Variants in LHFPL3 observed in about 807,000 individuals in gnomAD.
LHFPL3 encodes LHFPL tetraspan subfamily member 3, also known as LHFPL tetraspan subfamily member 3 protein.
A neutral mutation model predicts 19.3 loss-of-function variants in LHFPL3; 5 were observed. The ratio of observed to expected loss-of-function variants is 0.26; its 90% CI spans 0.14 to 0.54. LHFPL3 has a LOEUF of 0.54. Among genes scored for constraint, LHFPL3 ranks in the 20% least tolerant of loss-of-function variants. The pLI, the probability that LHFPL3 is intolerant of heterozygous loss-of-function variation, is 0.94. For missense variants in LHFPL3, 249 were observed against 307.4 expected (o/e 0.81, Z 1.42); for synonymous variants, 133 against 126.2 (o/e 1.05, Z -0.36).
At chr7:104,470,738 T>C (rs1792890892) in intron 1 of LHFPL3, among the ~76,000 whole-genome samples, 2 of 152,170 alleles carry the variant, frequency 1.3e-5, no homozygotes, top group Admixed American at 6.5e-5. Context: ...CTGGAGTCCG[T>C]GTTCTTAACT....
chr7:104,484,929 T>C (rs962603609), intron 1 of LHFPL3, among the ~76,000 whole-genome samples: 2 of 152,052 alleles, frequency 1.3e-5, no homozygotes, highest in East Asian at 1.9e-4. Flanking sequence ...ATCTCAACTC[T>C]CAATACTATT....
intron 2 of LHFPL3, among the ~76,000 whole-genome samples, chr7:104,830,284 C>T (rs1477563942): frequency 6.6e-6 from 1 of 151,842 alleles, no homozygotes; most frequent in Non-Finnish European, 1.5e-5. Flanking sequence ...TGTAGGTTGC[C>T]TATTCACTCT....
At chr7:104,779,552 T>C (rs1794686046) in intron 2 of LHFPL3, among the ~76,000 whole-genome samples, 1 of 152,092 alleles carries the variant, frequency 6.6e-6, no homozygotes, top group African/African-American at 2.4e-5. Flanking sequence ...GTTTCCCCTC[T>C]CCCTGCACCA....
At chr7:104,675,415 C>T (rs1792571780) in intron 1 of LHFPL3, among the ~76,000 whole-genome samples, 1 of 152,142 alleles carries the variant, frequency 6.6e-6, no homozygotes, top group Non-Finnish European at 1.5e-5. Context: ...TCCTTCCCTG[C>T]CACTCCTTTG....
intron 1 of LHFPL3, among the ~76,000 whole-genome samples, chr7:104,351,703 G>A (rs959699500): frequency 4.6e-5 from 7 of 152,118 alleles, no homozygotes; most frequent in African/African-American, 1.2e-4. Context: ...GTGTTTGAGC[G>A]AATTTACAAT....
At chr7:104,598,501 A>G (rs1161458902) in intron 1 of LHFPL3, among the ~76,000 whole-genome samples, 1 of 152,238 alleles carries the variant, frequency 6.6e-6, no homozygotes, top group Non-Finnish European at 1.5e-5. Context: ...GTCCAGTCAA[A>G]GTAAAATCAT....
intron 1 of LHFPL3, among the ~76,000 whole-genome samples, chr7:104,495,596 G>A (rs1333344981): frequency 2.0e-5 from 3 of 152,118 alleles, no homozygotes; most frequent in African/African-American, 7.2e-5. Context: ...TGTTAGCCAG[G>A]ATGGTCTCCA....
At chr7:104,492,377 G>A (rs1793375299) in intron 1 of LHFPL3, among the ~76,000 whole-genome samples, 1 of 152,220 alleles carries the variant, frequency 6.6e-6, no homozygotes, top group Admixed American at 6.5e-5. Context: ...TTACTAAGTA[G>A]TTTTAGGGAA....
In LHFPL3 at chr7:104,504,619, TA is replaced by T. The variant is rs1793661626; in HGVS notation, c.445+175396del. 2.0e-5 allele frequency among the ~76,000 whole-genome samples: 3 copies of T among 152,322 alleles called. No homozygotes were observed. The South Asian group carries it at 6.2e-4, about 32-fold the overall frequency. On this transcript the variant is annotated intron_variant, in intron 1 of 2. Transcript: ENST00000424859. ...GGGTTATGAATATTTAATACAAATATAGGGGTCTCAGGGTTGATTCCAATAC... is the reference window on the plus strand; with the variant it reads ...GGGTTATGAATATTTAATACAAATATGGGGTCTCAGGGTTGATTCCAATAC...
intron 2 of LHFPL3, among the ~76,000 whole-genome samples, chr7:104,792,514 T>C (rs1790042794): frequency 6.6e-6 from 1 of 152,208 alleles, no homozygotes; most frequent in Admixed American, 6.5e-5. Context: ...CTCTTACAGT[T>C]CCTCGAGACT....
At chr7:104,820,211 C>T (rs985800495) in intron 2 of LHFPL3, among the ~76,000 whole-genome samples, 2 of 152,154 alleles carry the variant, frequency 1.3e-5, no homozygotes, top group African/African-American at 4.8e-5. Context: ...TTATCATTCT[C>T]AGTGACAAAA....
chr7:104,616,225 T>C (rs1365503967), intron 1 of LHFPL3, among the ~76,000 whole-genome samples: 1 of 152,172 alleles, frequency 6.6e-6, no homozygotes. Flanking sequence ...TCATACTACC[T>C]GACTTCAAAC....
At chr7:104,792,773 A>T (rs1196392400) in intron 2 of LHFPL3, among the ~76,000 whole-genome samples, 1 of 152,218 alleles carries the variant, frequency 6.6e-6, no homozygotes, top group African/African-American at 2.4e-5. Flanking sequence ...TTCTTTCAGT[A>T]CATAAAAAAA....
chr7:104,528,910 G>A (rs1032192390), intron 1 of LHFPL3, among the ~76,000 whole-genome samples: 1 of 152,128 alleles, frequency 6.6e-6, no homozygotes, highest in Non-Finnish European at 1.5e-5. Flanking sequence ...AACAGAAAAG[G>A]AAATTCTTTA....
Position 104,906,469 on chromosome 7 carries a change from G to A in LHFPL3, c.*254G>A. 2.1e-6 allele frequency: 1 copy of A among 483,558 alleles called. No homozygotes were observed. The highest frequency in any genetic ancestry group is 3.2e-5 in the East Asian group (1 of 31,550). The allele number at this position is 483,558 out of a possible 1,614,324, so 30.0% of individuals were successfully genotyped here. On this transcript the variant is annotated 3_prime_UTR_variant, in exon 3 of 3. Transcript: ENST00000424859. Reference sequence around the variant, plus strand: ...AGCTCATTGGAAACTCATTGGATGAGATCAGAAAACGTTCATGAAAAATCA... The same window carrying A: ...AGCTCATTGGAAACTCATTGGATGAAATCAGAAAACGTTCATGAAAAATCA...
intron 1 of LHFPL3, among the ~76,000 whole-genome samples, chr7:104,667,267 G>C (rs1005297225): frequency 1.4e-5 from 2 of 143,146 alleles, no homozygotes; most frequent in African/African-American, 6.1e-5. Context: ...GTTTTCTTGG[G>C]GGGGGGAATC....
intron 2 of LHFPL3, chr7:104,738,576 A>C (rs1793873312): frequency 6.6e-6 from 1 of 152,170 alleles, no homozygotes; most frequent in East Asian, 1.9e-4. Context: ...CAAAGAGAAA[A>C]AAATTCACAA....
intron 1 of LHFPL3, among the ~76,000 whole-genome samples, chr7:104,569,049 C>A (rs1282758627): frequency 6.6e-6 from 1 of 152,188 alleles, no homozygotes; most frequent in African/African-American, 2.4e-5. Flanking sequence ...TCAAAAACCT[C>A]TAATGCTGCT....
chr7:104,501,380 G>T (rs928718081), intron 1 of LHFPL3, among the ~76,000 whole-genome samples: 4 of 152,214 alleles, frequency 2.6e-5, no homozygotes, highest in African/African-American at 9.6e-5. Context: ...CTTGGGAGCA[G>T]TTAGTGCTCT....
Sources: gnomAD v4.1 joint callset for allele counts (sites outside exome capture counted in the v4.1 genomes callset) on GRCh38, gnomAD v4.1.1 for gene constraint, MANE v1.5 for transcripts, NCBI Gene and HGNC (gene_info 2026-07-23, HGNC 2026-07-21) for gene names.